DUSP8: variants seen among roughly 807,000 people sequenced by gnomAD.
DUSP8 encodes dual specificity phosphatase 8.
In DUSP8, 15 loss-of-function variants were observed where a neutral mutation model predicts 38.7. That is an observed-to-expected ratio of 0.39 (90% CI 0.26 to 0.60). DUSP8 has a LOEUF of 0.60. Ranked by LOEUF, DUSP8 falls within the 20% of genes least tolerant of loss-of-function variation. DUSP8 has a pLI of 0.56. For synonymous variants in DUSP8, 458 were observed against 433.9 expected, an observed-to-expected ratio of 1.06 and a Z score of -0.69; for missense variants, 768 against 915.0, an observed-to-expected ratio of 0.84 and a Z score of 2.07.
chr11:1,559,596 G>C (rs1334261054), intron 3 of DUSP8, among the ~76,000 whole-genome samples: 1 of 152,190 alleles, frequency 6.6e-6, no homozygotes, highest in Non-Finnish European at 1.5e-5. Flanking sequence ...GGACCAGGAG[G>C]CCAGGGCTTC....
At chr11:1,562,659 A>G (rs920557897) in intron 3 of DUSP8, among the ~76,000 whole-genome samples, 19 of 151,964 alleles carry the variant, frequency 1.3e-4, no homozygotes, top group African/African-American at 4.6e-4. Flanking sequence ...ACATGCACAC[A>G]TGTACATGCA....
At chr11:1,571,426 C>T (rs898639611) in intron 1 of DUSP8, 1 of 152,306 alleles carries the variant, frequency 6.6e-6, no homozygotes, top group Non-Finnish European at 1.5e-5. Context: ...TCCCGGGTGT[C>T]CCAGGCCAGA....
chr11:1,568,424 C>T (rs1477960836), intron 1 of DUSP8, among the ~76,000 whole-genome samples: 1 of 152,162 alleles, frequency 6.6e-6, no homozygotes, highest in Admixed American at 6.5e-5. Context: ...CCTGCTCTGC[C>T]TCCTAAGCAA....
intron 1 of DUSP8, among the ~76,000 whole-genome samples, chr11:1,569,065 T>C (rs1330660005): frequency 6.6e-6 from 1 of 152,120 alleles, no homozygotes; most frequent in Non-Finnish European, 1.5e-5. Context: ...GGTAAGGAAA[T>C]GTGGATGGTG....
chr11:1,565,336 C>CAGA (rs1848785085), intron 2 of DUSP8, among the ~76,000 whole-genome samples: 1 of 152,164 alleles, frequency 6.6e-6, no homozygotes, highest in African/African-American at 2.4e-5. Context: ...CACCTCTGTG[C>CAGA]AGAAGCTGAG....
At chr11:1,560,247 G>A (rs1202624646) in intron 3 of DUSP8, among the ~76,000 whole-genome samples, 2 of 152,260 alleles carry the variant, frequency 1.3e-5, no homozygotes, top group Non-Finnish European at 2.9e-5. Flanking sequence ...GAGTGACGGC[G>A]GGAGCTCAGG....
chr11:1,565,748 GC>G lies in DUSP8; in HGVS notation c.78del (p.Pro27ArgfsTer29). 1 of 1,611,650 alleles carries G rather than the reference GC, an allele frequency of 6.2e-7. No individual in the cohort carries two copies. Among genetic ancestry groups the G allele is most frequent in the Non-Finnish European group, 8.5e-7 (1 of 1,179,584 alleles). On this transcript the variant is annotated frameshift_variant, in exon 2 of 7. Coordinates refer to ENST00000397374, the MANE Select transcript of DUSP8 (RefSeq NM_004420.3). LOFTEE classifies it high-confidence loss of function. ...AAGGAGCGGCTGTCGATGACCAGCG[GC>G]CCCCCAGGCCCGCCCCGCAGCAGGC... ...LASLLRGGPG[G>X]PLVIDSRSFV...
chr11:1,557,310 G>T lies in DUSP8; in HGVS notation c.1086C>A (p.Pro362=), dbSNP rs771396419. ...GCAGTGCGCTGGTCGCCGGGGGCGTGGGGGGCGCGGGGGGCTCCCCGCCCG... is the reference window on the plus strand; with the variant it reads ...GCAGTGCGCTGGTCGCCGGGGGCGTTGGGGGCGCGGGGGGCTCCCCGCCCG... ...LSAGGEPPAP[P]TPPATSALQQ... The change falls in exon 7 of 7, where the codon CCC becomes CCA. Residue 362 remains proline, a synonymous_variant. Transcript: ENST00000397374. The surrounding 1 kb of genome is among the most constrained non-coding windows in gnomAD (Gnocchi z 9.9). 5.4e-6 allele frequency: 8 copies of T among 1,475,594 alleles called. No homozygotes were observed. The highest frequency in any genetic ancestry group is 7.1e-6 in the Non-Finnish European group (8 of 1,124,516). 91.4% of individuals were successfully genotyped at this position (1,475,594 alleles called of 1,614,324 possible).
At chr11:1,563,174 G>C (rs536189116) in intron 3 of DUSP8, among the ~76,000 whole-genome samples, 4 of 152,288 alleles carry the variant, frequency 2.6e-5, no homozygotes, top group East Asian at 3.9e-4. Context: ...AGACCTGGAT[G>C]GGGGAGGGTG....
At chr11:1,562,676 T>C (rs1289296010) in intron 3 of DUSP8, among the ~76,000 whole-genome samples, 2 of 140,560 alleles carry the variant, frequency 1.4e-5, no homozygotes, top group Non-Finnish European at 3.1e-5. Context: ...TGCACACACA[T>C]ACATGCATGC....
chr11:1,570,503 CCTG>C (rs1848871202), intron 1 of DUSP8, among the ~76,000 whole-genome samples: 1 of 150,542 alleles, frequency 6.6e-6, no homozygotes, highest in Non-Finnish European at 1.5e-5. Flanking sequence ...TCAGCCCCAG[CCTG>C]AGAAGAGAAG....
intron 3 of DUSP8, 51 bp from the exon 4 acceptor site, chr11:1,559,106 G>A (rs1210300417): frequency 6.4e-7 from 1 of 1,564,986 alleles, no homozygotes; most frequent in African/African-American, 1.4e-5. Flanking sequence ...AGGGCTCCCT[G>A]TCCGCCTAGG....
chr11:1,571,729 C>G (rs1470887863), intron 1 of DUSP8, 172 bp downstream of exon 1: 3 of 151,514 alleles, frequency 2.0e-5, no homozygotes, highest in Non-Finnish European at 2.9e-5. Context: ...CCTCCCTGTC[C>G]CTGGCGTCCT....
Position 1,557,153 on chromosome 11 carries a change from C to CG in DUSP8, c.1242dup (p.Asp415ArgfsTer34). ...CAGAGCTTCGGGGCCTCGCCGGGGTCGGGGGGCCCGGGGCCGTCGGGCCGC... is the reference window on the plus strand; with the variant it reads ...CAGAGCTTCGGGGCCTCGCCGGGGTCGGGGGGGCCCGGGGCCGTCGGGCCGC... On this transcript the variant is annotated frameshift_variant, in exon 7 of 7. Transcript: ENST00000397374. LOFTEE classifies it high-confidence loss of function. The surrounding 1 kb of genome is among the most constrained non-coding windows in gnomAD (Gnocchi z 9.9). 2 of 1,433,900 alleles carry CG rather than the reference C, an allele frequency of 1.4e-6. No individual in the cohort carries two copies. The highest frequency in any genetic ancestry group is 1.4e-5 in the South Asian group (1 of 70,838). The allele number at this position is 1,433,900 out of a possible 1,614,324, so 88.8% of individuals were successfully genotyped here. A position where few individuals can be genotyped will look rare whatever the true frequency, so the allele number is the denominator to read the frequency against.
chr11:1,565,413 A>G (rs1590806233), intron 2 of DUSP8, among the ~76,000 whole-genome samples, 183 bp downstream of exon 2: 1 of 152,118 alleles, frequency 6.6e-6, no homozygotes. Context: ...TGCCCTGAGC[A>G]GGGGCAACAG....
At chr11:1,567,608 C>T (rs760154276) in intron 1 of DUSP8, among the ~76,000 whole-genome samples, 5 of 152,256 alleles carry the variant, frequency 3.3e-5, no homozygotes, top group Non-Finnish European at 5.9e-5. Context: ...GCCCAGGCTT[C>T]TGTGCATTCC....
chr11:1,563,886 A>T lies in DUSP8; in HGVS notation c.335T>A (p.Leu112Gln). The T allele has an allele frequency of 6.4e-7, 1 of 1,551,538 alleles. No homozygotes were observed. The highest frequency in any genetic ancestry group is 8.7e-7 in the Non-Finnish European group (1 of 1,147,426). The change falls in exon 3 of 7, where the codon CTG becomes CAG. Residue 112 changes from leucine to glutamine, a missense_variant. Physicochemically the swap from Leu to Gln is moderately radical, Grantham distance 113. This residue lies in a region of DUSP8 where 252 missense variants were observed against 410.4 expected (regional missense o/e 0.61). Transcript: ENST00000397374. ...GGCCACGCTGTCGAAGCAGCCGTCC[A>T]GCTTGCTCAGCAGGATGGAGAGGAA... ...DSFLSILLSK[L>Q]DGCFDSVAIL...
Position 1,565,532 on chromosome 11 carries a change from C to G in DUSP8, c.231+64G>C, listed in dbSNP as rs1187522539. Reference sequence around the variant, plus strand: ...GCAGAGGAGGGGGGTGCTGCCCGAGCTGAGGGCCCCTTAGCTGTGGACCCT... The same window carrying G: ...GCAGAGGAGGGGGGTGCTGCCCGAGGTGAGGGCCCCTTAGCTGTGGACCCT... On this transcript the variant is annotated intron_variant, in intron 2 of 6. Transcript: ENST00000397374. The G allele has an allele frequency of 2.5e-5, 34 of 1,341,032 alleles. No homozygotes were observed. In the South Asian group the frequency reaches 4.3e-4, roughly 17 times the overall value. 83.1% of individuals were successfully genotyped at this position (1,341,032 alleles called of 1,614,324 possible).
chr11:1,563,768 C>T (rs1848757384), intron 3 of DUSP8, 83 bp downstream of exon 3: 2 of 1,374,818 alleles, frequency 1.5e-6, no homozygotes, highest in Non-Finnish European at 1.9e-6. Flanking sequence ...GCCCAGCGGA[C>T]ACCTCCCTGA....
Sources: allele counts gnomAD v4.1 joint callset (sites outside exome capture counted in the v4.1 genomes callset), GRCh38; gene constraint gnomAD v4.1.1; regional missense constraint gnomAD v4.1.1; non-coding constraint Gnocchi (gnomAD v3.1); transcripts MANE v1.5; gene names NCBI Gene and HGNC (gene_info 2026-07-23, HGNC 2026-07-21).